Variants in PAPPA observed in about 807,000 individuals in gnomAD.
PAPPA encodes pappalysin 1.
Under a neutral mutation model 164.0 loss-of-function variants are expected in PAPPA, and 60 were observed. That is an observed-to-expected ratio of 0.37 (90% CI 0.30 to 0.45). The LOEUF is 0.45. PAPPA is among the 20% of genes least tolerant of loss of function. The pLI, the probability that PAPPA is intolerant of heterozygous loss-of-function variation, is 1.00. For missense variants in PAPPA, 1,782 were observed against 2,087.3 expected, an observed-to-expected ratio of 0.85 and a Z score of 2.85; for synonymous variants, 875 against 814.1, an observed-to-expected ratio of 1.07 and a Z score of -1.27.
chr9:116,181,556 A>G (rs1360873514), intron 1 of PAPPA, among the ~76,000 whole-genome samples: 1 of 152,260 alleles, frequency 6.6e-6, no homozygotes, highest in Non-Finnish European at 1.5e-5. Flanking sequence ...ATTCCAAGGT[A>G]CTGGGGTTAC....
chr9:116,267,482 G>T (rs1400178772), intron 8 of PAPPA, among the ~76,000 whole-genome samples: 1 of 152,200 alleles, frequency 6.6e-6, no homozygotes, highest in East Asian at 1.9e-4. Context: ...TGTGTAACAA[G>T]ATAGTAGCAT....
chr9:116,311,599 G>A (rs575752675), intron 10 of PAPPA, among the ~76,000 whole-genome samples: 1 of 152,130 alleles, frequency 6.6e-6, no homozygotes. Flanking sequence ...ACCTGACTTG[G>A]GTACTGTTTG....
chr9:116,223,489 G>A (rs1162900754), intron 5 of PAPPA, among the ~76,000 whole-genome samples: 2 of 152,258 alleles, frequency 1.3e-5, no homozygotes, highest in African/African-American at 4.8e-5. Context: ...CAATCAATAT[G>A]TTTTTAATCA....
intron 7 of PAPPA, among the ~76,000 whole-genome samples, chr9:116,258,517 G>A (rs1024885616): frequency 4.6e-5 from 7 of 151,858 alleles, no homozygotes; most frequent in East Asian, 2.0e-4. Context: ...TTAGCCAGGC[G>A]TGGTGGCGCA....
intron 1 of PAPPA, among the ~76,000 whole-genome samples, chr9:116,184,315 G>T (rs1425929796): frequency 1.3e-5 from 2 of 152,320 alleles, no homozygotes; most frequent in Middle Eastern, 3.4e-3. Flanking sequence ...GTAGTCTCAT[G>T]ATATCATCTA....
intron 4 of PAPPA, among the ~76,000 whole-genome samples, chr9:116,212,884 C>G (rs1477930106): frequency 6.6e-6 from 1 of 152,226 alleles, no homozygotes; most frequent in African/African-American, 2.4e-5. Context: ...TTAATATGCT[C>G]TCTCTCATTT....
intron 2 of PAPPA, among the ~76,000 whole-genome samples, chr9:116,200,157 T>C (rs1203136926): frequency 6.6e-6 from 1 of 152,176 alleles, no homozygotes; most frequent in Admixed American, 6.5e-5. Flanking sequence ...AGTGAGGGCT[T>C]GTAATGTCTC....
chr9:116,308,611 G>A (rs1188572793), intron 10 of PAPPA, among the ~76,000 whole-genome samples: 1 of 152,202 alleles, frequency 6.6e-6, no homozygotes, highest in Non-Finnish European at 1.5e-5. Context: ...GGCAGCTCAA[G>A]CCTGCTCCAA....
chr9:116,362,956 C>A (rs1846449105), intron 18 of PAPPA, among the ~76,000 whole-genome samples: 1 of 152,156 alleles, frequency 6.6e-6, no homozygotes, highest in African/African-American at 2.4e-5. Context: ...ACAGTTACAA[C>A]AGAATACAGA....
intron 1 of PAPPA, among the ~76,000 whole-genome samples, chr9:116,184,887 T>C (rs2118621923): frequency 6.6e-6 from 1 of 152,296 alleles, no homozygotes; most frequent in Non-Finnish European, 1.5e-5. Context: ...AGCAAGGTGC[T>C]GGAGAGGTTA....
intron 4 of PAPPA, among the ~76,000 whole-genome samples, chr9:116,215,391 A>G (rs892668414): frequency 3.3e-5 from 5 of 152,224 alleles, no homozygotes; most frequent in Non-Finnish European, 5.9e-5. Flanking sequence ...AATGTGGTAC[A>G]TATGGAATAC....
intron 10 of PAPPA, among the ~76,000 whole-genome samples, chr9:116,308,493 C>A (rs1272126618): frequency 1.3e-5 from 2 of 152,182 alleles, no homozygotes; most frequent in African/African-American, 4.8e-5. Flanking sequence ...CAGATTAGGA[C>A]ACAAAGGCTC....
At chr9:116,174,036 T>C (rs2118596003) in intron 1 of PAPPA, among the ~76,000 whole-genome samples, 1 of 152,318 alleles carries the variant, frequency 6.6e-6, no homozygotes, top group South Asian at 2.1e-4. Flanking sequence ...TACTCAGGCT[T>C]AGGTGAGTTA....
At chr9:116,171,174 G>A (rs778978190) in intron 1 of PAPPA, among the ~76,000 whole-genome samples, 2 of 152,134 alleles carry the variant, frequency 1.3e-5, no homozygotes, top group African/African-American at 2.4e-5. Flanking sequence ...GCAGGCTTAG[G>A]TGAGACCAGA....
At chr9:116,168,030 T>C (rs1361525674) in intron 1 of PAPPA, among the ~76,000 whole-genome samples, 3 of 152,218 alleles carry the variant, frequency 2.0e-5, no homozygotes, top group Non-Finnish European at 1.5e-5. Flanking sequence ...CAGTGCTCTT[T>C]CCACTGGGTC....
intron 3 of PAPPA, among the ~76,000 whole-genome samples, chr9:116,211,390 C>G (rs1378163482): frequency 6.6e-6 from 1 of 152,210 alleles, no homozygotes. Flanking sequence ...CCCTTCACCT[C>G]TTTAAGCATT....
chr9:116,249,788 A>G (rs1260827963), intron 7 of PAPPA, among the ~76,000 whole-genome samples: 2 of 152,186 alleles, frequency 1.3e-5, no homozygotes, highest in Non-Finnish European at 2.9e-5. Flanking sequence ...CACACAATGA[A>G]TGCAGCTATA....
intron 4 of PAPPA, among the ~76,000 whole-genome samples, chr9:116,217,095 C>T (rs1244266305): frequency 6.6e-6 from 1 of 152,132 alleles, no homozygotes; most frequent in Non-Finnish European, 1.5e-5. Flanking sequence ...GGTTCCATCA[C>T]CTACCCATTT....
chr9:116,256,403 A>G (rs1032523329), intron 7 of PAPPA, among the ~76,000 whole-genome samples: 1 of 151,978 alleles, frequency 6.6e-6, no homozygotes, highest in Non-Finnish European at 1.5e-5. Context: ...AAAGGAATAA[A>G]TAAGCAAGGA....
Sources: allele counts gnomAD v4.1 joint callset (sites outside exome capture counted in the v4.1 genomes callset), GRCh38; gene constraint gnomAD v4.1.1; transcripts MANE v1.5; gene names NCBI Gene and HGNC (gene_info 2026-07-23, HGNC 2026-07-21).